Variants in TGFBR3 observed in about 807,000 individuals in gnomAD.
TGFBR3 encodes transforming growth factor beta receptor type 3.
TGFBR3 carries 46 observed loss-of-function variants against 87.9 expected under a neutral mutation model. The observed-to-expected ratio is 0.52, with a 90% CI of 0.41 to 0.67. TGFBR3 has a LOEUF of 0.67. Among genes scored for constraint, TGFBR3 ranks in the 30% least tolerant of loss-of-function variants. The pLI is 0.00. For missense variants in TGFBR3, 866 were observed against 1,041.9 expected (o/e 0.83, Z 2.32); for synonymous variants, 381 against 391.6 (o/e 0.97, Z 0.32).
At chr1:91,827,855 A>G (rs2799537) in intron 2 of TGFBR3, among the ~76,000 whole-genome samples, 69,046 of 151,928 alleles carry the variant, frequency 0.45, 15,892 homozygotes, top group East Asian at 0.6. Flanking sequence ...GTCACTCACT[A>G]CTCAGTGAAT....
chr1:91,845,745 CAGTAGCAGTTGG>C (rs559822680), intron 2 of TGFBR3, among the ~76,000 whole-genome samples: 19 of 152,114 alleles, frequency 1.2e-4, no homozygotes, highest in Non-Finnish European at 2.4e-4. Flanking sequence ...CTTCCAACTG[CAGTAGCAGTTGG>C]AAAATTCACT....
Position 91,683,800 on chromosome 1 carries a change from C to G in TGFBR3, c.2495G>C (p.Ser832Thr). ...PTSPPASENS[S>T]AAHSIGSTQS... Reference sequence around the variant, plus strand: ...CGTGCTGCCGATGCTGTGGGCAGCACTGCTGTTTTCCGAGGCTGGCGGGGA... The same window carrying G: ...CGTGCTGCCGATGCTGTGGGCAGCAGTGCTGTTTTCCGAGGCTGGCGGGGA... Residue 832 changes from serine (S) to threonine (T), a missense_variant, in exon 17 of 17, where the codon AGT becomes ACT. Coordinates refer to ENST00000212355, the MANE Select transcript of TGFBR3 (RefSeq NM_003243.5). The G allele has an allele frequency of 6.2e-7, 1 of 1,608,982 alleles. No individual in the cohort carries two copies. The highest frequency in any genetic ancestry group is 8.5e-7 in the Non-Finnish European group (1 of 1,178,270).
At chr1:91,812,478 C>T (rs979483134) in intron 2 of TGFBR3, among the ~76,000 whole-genome samples, 1 of 152,176 alleles carries the variant, frequency 6.6e-6, no homozygotes, top group Non-Finnish European at 1.5e-5. Context: ...TTTTGAGCAT[C>T]CTGAAACTCG....
intron 2 of TGFBR3, among the ~76,000 whole-genome samples, chr1:91,843,624 C>T (rs1177876588): frequency 6.6e-6 from 1 of 152,146 alleles, no homozygotes; most frequent in Non-Finnish European, 1.5e-5. Context: ...TGCATTATCT[C>T]ATTTATAATC....
At chr1:91,740,339 G>A (rs112317970) in intron 4 of TGFBR3, among the ~76,000 whole-genome samples, 6,145 of 147,736 alleles carry the variant, frequency 0.042, 388 homozygotes, top group African/African-American at 0.14. Flanking sequence ...GATTACAGGT[G>A]TAAGCCACCA....
chr1:91,807,321 A>G (rs1048966833), intron 2 of TGFBR3, among the ~76,000 whole-genome samples: 4 of 152,112 alleles, frequency 2.6e-5, no homozygotes, highest in South Asian at 2.1e-4. Context: ...AAAAAACTAG[A>G]TTTTTCTACA....
At chr1:91,790,333 T>TATATACCATATGGCCGAGGTGCGTAG (rs1675139657) in intron 3 of TGFBR3, among the ~76,000 whole-genome samples, 1 of 152,200 alleles carries the variant, frequency 6.6e-6, no homozygotes. Context: ...CCATGGGCTA[T>TATATACCATATGGCCGAGGTGCGTAG]ATATACCATA....
chr1:91,776,656 G>C (rs949476442), intron 3 of TGFBR3, among the ~76,000 whole-genome samples: 4 of 152,174 alleles, frequency 2.6e-5, no homozygotes, highest in Admixed American at 6.5e-5. Context: ...GATCAGTGTA[G>C]TGCCATTACC....
Position 91,681,956 on chromosome 1 carries a change from T to A in TGFBR3, c.*1783A>T, listed in dbSNP as rs1049859859. The A allele has an allele frequency of 6.6e-6, 3 of 453,510 alleles. No homozygotes were observed. The Admixed American group carries it at 7.1e-5, about 11-fold the overall frequency. 28.1% of individuals were successfully genotyped at this position (453,510 alleles called of 1,614,324 possible). A position where few individuals can be genotyped will look rare whatever the true frequency, so the allele number is the denominator to read the frequency against. On this transcript the variant is annotated 3_prime_UTR_variant, in exon 17 of 17. Coordinates refer to ENST00000212355, the MANE Select transcript of TGFBR3 (RefSeq NM_003243.5). ...AACTCATGTCTTCTTCGTTTGTATA[T>A]GGAAATCTAGAAATTTTTCAGTAGA...
intron 4 of TGFBR3, among the ~76,000 whole-genome samples, chr1:91,756,745 T>G (rs1442116078): frequency 5.9e-5 from 9 of 152,226 alleles, no homozygotes; most frequent in Admixed American, 4.6e-4. Context: ...ATGTTTTCTT[T>G]TGAAATTAAT....
At chr1:91,834,265 C>T (rs769679901) in intron 2 of TGFBR3, among the ~76,000 whole-genome samples, 2 of 152,160 alleles carry the variant, frequency 1.3e-5, no homozygotes, top group Non-Finnish European at 2.9e-5. Flanking sequence ...CTCCCGCCTT[C>T]AATAAGAGTT....
chr1:91,747,970 G>C (rs1450406247), intron 4 of TGFBR3, among the ~76,000 whole-genome samples: 4 of 152,198 alleles, frequency 2.6e-5, no homozygotes, highest in African/African-American at 9.6e-5. Flanking sequence ...TCCCCGACTG[G>C]TTCTGTTTCT....
intron 13 of TGFBR3, among the ~76,000 whole-genome samples, chr1:91,710,093 A>T (rs1459932506): frequency 6.6e-6 from 1 of 152,216 alleles, no homozygotes; most frequent in Non-Finnish European, 1.5e-5. Context: ...CTATGGTAAG[A>T]AGACATATTA....
At chr1:91,885,214 G>A (rs1679247343) in intron 1 of TGFBR3, among the ~76,000 whole-genome samples, 1 of 152,180 alleles carries the variant, frequency 6.6e-6, no homozygotes, top group African/African-American at 2.4e-5. Context: ...TGACACGTCG[G>A]CTCCTGACAC....
Position 91,683,198 on chromosome 1 carries a change from C to T in TGFBR3, c.*541G>A, listed in dbSNP as rs1400827947. 1 of 454,592 alleles carries T rather than the reference C, an allele frequency of 2.2e-6. No individual in the cohort carries two copies. Among genetic ancestry groups the T allele is most frequent in the East Asian group, 6.9e-5 (1 of 14,398 alleles). 28.2% of individuals were successfully genotyped at this position (454,592 alleles called of 1,614,324 possible). On this transcript the variant is annotated 3_prime_UTR_variant, in exon 17 of 17. Coordinates refer to ENST00000212355, the MANE Select transcript of TGFBR3 (RefSeq NM_003243.5). ...ACACATCAGACCCCACAGGTTGTGG[C>T]AGCAAGGTCAGAAGTGTGCATCCAG...
At chr1:91,750,277 G>T (rs1392475063) in intron 4 of TGFBR3, among the ~76,000 whole-genome samples, 1 of 152,186 alleles carries the variant, frequency 6.6e-6, no homozygotes, top group Non-Finnish European at 1.5e-5. Context: ...CCTTAACCTA[G>T]CAAGTTAGAA....
At chr1:91,707,055 A>C (rs1444939906) in intron 14 of TGFBR3, among the ~76,000 whole-genome samples, 1 of 152,254 alleles carries the variant, frequency 6.6e-6, no homozygotes, top group African/African-American at 2.4e-5. Flanking sequence ...GGCCAGAAAA[A>C]TGAATTAAAG....
intron 4 of TGFBR3, among the ~76,000 whole-genome samples, chr1:91,745,527 T>A (rs1673313246): frequency 6.6e-6 from 1 of 152,168 alleles, no homozygotes; most frequent in Non-Finnish European, 1.5e-5. Flanking sequence ...AGAAAGGCAT[T>A]ACAAAGATTA....
At chr1:91,725,257 A>C (rs1019635868) in intron 7 of TGFBR3, among the ~76,000 whole-genome samples, 1 of 152,146 alleles carries the variant, frequency 6.6e-6, no homozygotes, top group Non-Finnish European at 1.5e-5. Flanking sequence ...TGCATAAGAC[A>C]TCCATATTTA....
Sources: allele counts gnomAD v4.1 joint callset (sites outside exome capture counted in the v4.1 genomes callset), GRCh38; gene constraint gnomAD v4.1.1; transcripts MANE v1.5; gene names NCBI Gene and HGNC (gene_info 2026-07-23, HGNC 2026-07-21).